PKNOX2: variants seen among roughly 807,000 people sequenced by gnomAD.
The protein encoded by PKNOX2 is homeobox protein PKNOX2.
A neutral mutation model predicts 53.1 loss-of-function variants in PKNOX2; 14 were observed. The observed-to-expected ratio is 0.26, with a 90% CI of 0.17 to 0.41. PKNOX2 has a LOEUF of 0.41. Among genes scored for constraint, PKNOX2 ranks in the 10% least tolerant of loss-of-function variants. The pLI is 1.00. For missense variants in PKNOX2, 496 were observed against 602.8 expected, an observed-to-expected ratio of 0.82 and a Z score of 1.85; for synonymous variants, 257 against 242.8, an observed-to-expected ratio of 1.06 and a Z score of -0.54.
intron 6 of PKNOX2, 88 bp from the exon 7 acceptor site, chr11:125,397,786 C>T: frequency 7.2e-7 from 1 of 1,383,280 alleles, no homozygotes; most frequent in South Asian, 1.4e-5. Flanking sequence ...GTGGGCTCCC[C>T]TCCCCTGGGG....
intron 5 of PKNOX2, among the ~76,000 whole-genome samples, chr11:125,371,687 A>G (rs1952558906): frequency 6.6e-6 from 1 of 152,098 alleles, no homozygotes. Context: ...CTGCTCTGCT[A>G]AGGTGTTGGC....
chr11:125,396,436 G>A (rs542185695), intron 6 of PKNOX2, among the ~76,000 whole-genome samples: 3 of 152,034 alleles, frequency 2.0e-5, no homozygotes, highest in South Asian at 4.1e-4. Flanking sequence ...TTTTGCATGT[G>A]GATGTCTAAT....
chr11:125,413,262 T>C (rs1955668850), intron 10 of PKNOX2, among the ~76,000 whole-genome samples: 2 of 152,222 alleles, frequency 1.3e-5, no homozygotes, highest in Non-Finnish European at 2.9e-5. Context: ...GCCTAGGTGA[T>C]GAGGCCAGAG....
chr11:125,393,495 G>A (rs1401891576), intron 6 of PKNOX2, among the ~76,000 whole-genome samples: 2 of 152,176 alleles, frequency 1.3e-5, no homozygotes, highest in African/African-American at 4.8e-5. Flanking sequence ...GTGTCCTGAT[G>A]AGTTTGGACT....
intron 6 of PKNOX2, among the ~76,000 whole-genome samples, chr11:125,394,350 C>T (rs529076059): frequency 6.6e-6 from 1 of 152,350 alleles, no homozygotes; most frequent in East Asian, 1.9e-4. Context: ...CTCCCTCAGT[C>T]TCAGCCCCAC....
intron 2 of PKNOX2, among the ~76,000 whole-genome samples, chr11:125,296,201 C>T (rs556142300): frequency 6.6e-6 from 1 of 152,266 alleles, no homozygotes; most frequent in East Asian, 1.9e-4. Context: ...CTGTGCTCAA[C>T]CCAGCAGCCA....
rs539632323 is a variant in PKNOX2 at position 125,166,001 on chromosome 11, C to T, written c.-201+1225C>T. Among the ~76,000 whole-genome samples the T allele has an allele frequency of 3.9e-5, 6 of 152,074 alleles. No individual in the cohort carries two copies. Among genetic ancestry groups the T allele is most frequent in the Admixed American group, 3.3e-4 (5 of 15,288 alleles). ...GGGGTTTCCGCGCGGTGGGGAGACT[C>T]GGGTTGGGAATTGAGGGGTAGGGGC... On this transcript the variant is annotated intron_variant, in intron 1 of 12. Transcript: ENST00000298282. The surrounding 1 kb of genome is among the most constrained non-coding windows in gnomAD (Gnocchi z 4.0).
At chr11:125,283,789 G>A (rs1946727313) in intron 2 of PKNOX2, among the ~76,000 whole-genome samples, 1 of 152,172 alleles carries the variant, frequency 6.6e-6, no homozygotes, top group East Asian at 1.9e-4. Context: ...GGGAAGAAGG[G>A]AATCATGTTT....
chr11:125,377,001 G>A (rs1208739525), intron 5 of PKNOX2, among the ~76,000 whole-genome samples: 2 of 152,210 alleles, frequency 1.3e-5, no homozygotes, highest in African/African-American at 4.8e-5. Flanking sequence ...TGGCATGTGG[G>A]TTTGTTTTCC....
intron 2 of PKNOX2, among the ~76,000 whole-genome samples, chr11:125,241,661 A>C (rs111357940): frequency 0.023 from 3,468 of 152,192 alleles, 115 homozygotes; most frequent in African/African-American, 0.077. Context: ...TCGAGACCAG[A>C]CTGACCAACA....
At chr11:125,225,338 G>A (rs746683667) in intron 1 of PKNOX2, among the ~76,000 whole-genome samples, 1 of 152,224 alleles carries the variant, frequency 6.6e-6, no homozygotes, top group Non-Finnish European at 1.5e-5. Context: ...CCAGCCTAGT[G>A]AAGGATCTGA....
intron 1 of PKNOX2, among the ~76,000 whole-genome samples, chr11:125,195,883 G>GCACGCA (rs1190771243): frequency 1.9e-4 from 27 of 143,802 alleles, no homozygotes; most frequent in African/African-American, 6.4e-4. Context: ...ATATGTACAT[G>GCACGCA]CACACACACA....
chr11:125,379,323 A>C (rs1260865924), intron 5 of PKNOX2, among the ~76,000 whole-genome samples: 1 of 152,078 alleles, frequency 6.6e-6, no homozygotes, highest in East Asian at 1.9e-4. Flanking sequence ...CAGCCTCCCA[A>C]AGCGCTGGGG....
chr11:125,182,455 T>C (rs1341802955), intron 1 of PKNOX2, among the ~76,000 whole-genome samples: 1 of 152,248 alleles, frequency 6.6e-6, no homozygotes, highest in African/African-American at 2.4e-5. Context: ...GGCTGTGTAC[T>C]ATCACCTTAA....
At chr11:125,294,320 G>T (rs1321488841) in intron 2 of PKNOX2, among the ~76,000 whole-genome samples, 1 of 152,192 alleles carries the variant, frequency 6.6e-6, no homozygotes, top group Non-Finnish European at 1.5e-5. Context: ...ATCTTATGGA[G>T]CTTGGCGAAA....
chr11:125,404,327 G>A (rs1470384191), intron 7 of PKNOX2, among the ~76,000 whole-genome samples: 1 of 152,158 alleles, frequency 6.6e-6, no homozygotes, highest in East Asian at 1.9e-4. Context: ...CGCTTCTCCC[G>A]CCTGAGAAGG....
chr11:125,353,910 G>A (rs149465741), intron 4 of PKNOX2, among the ~76,000 whole-genome samples: 1 of 152,244 alleles, frequency 6.6e-6, no homozygotes, highest in East Asian at 1.9e-4. Context: ...AGGGAAAGGA[G>A]CTAGGGCAGG....
intron 1 of PKNOX2, among the ~76,000 whole-genome samples, chr11:125,182,113 CT>C (rs1956187646): frequency 6.6e-6 from 1 of 152,182 alleles, no homozygotes; most frequent in African/African-American, 2.4e-5. Context: ...CATTTGCTTT[CT>C]TTTGGAGCCA....
At chr11:125,376,249 A>G (rs1215077714) in intron 5 of PKNOX2, among the ~76,000 whole-genome samples, 2 of 152,034 alleles carry the variant, frequency 1.3e-5, no homozygotes, top group East Asian at 1.9e-4. Context: ...CAATTTAGCA[A>G]CTCGAAGAAG....
Sources: allele counts gnomAD v4.1 joint callset (sites outside exome capture counted in the v4.1 genomes callset), GRCh38; gene constraint gnomAD v4.1.1; non-coding constraint Gnocchi (gnomAD v3.1); transcripts MANE v1.5; gene names NCBI Gene and HGNC (gene_info 2026-07-23, HGNC 2026-07-21).